The following KMT2C variants were observed in gnomAD, a reference collection of about 807,000 sequenced individuals.
KMT2C encodes histone-lysine N-methyltransferase 2C.
A neutral mutation model predicts 507.9 loss-of-function variants in KMT2C; 88 were observed. The observed-to-expected ratio is 0.17, with a 90% confidence interval of 0.15 to 0.21. The LOEUF (loss-of-function observed/expected upper bound fraction) is 0.21, where lower values mean the gene tolerates loss of function less well. Among genes scored for constraint, KMT2C ranks in the 10% least tolerant of loss-of-function variants. The pLI is 1.00. For synonymous variants in KMT2C, 2,049 were observed against 2,080.8 expected (o/e 0.98, Z 0.42); for missense variants, 4,954 against 5,957.8 (o/e 0.83, Z 5.55).
intron 1 of KMT2C, among the ~76,000 whole-genome samples, chr7:152,413,070 A>C (rs2097698822): frequency 6.6e-6 from 1 of 152,130 alleles, no homozygotes; most frequent in African/African-American, 2.4e-5. Flanking sequence ...TACACTTCTG[A>C]GAAAAAAAAC....
At chr7:152,274,393 T>C (rs1345815059) in intron 6 of KMT2C, among the ~76,000 whole-genome samples, 4 of 152,182 alleles carry the variant, frequency 2.6e-5, no homozygotes, top group Admixed American at 2.6e-4. Context: ...TACTTCAATG[T>C]AGCAATCAAC....
chr7:152,398,537 G>T (rs1475589501), intron 1 of KMT2C, among the ~76,000 whole-genome samples: 2 of 152,088 alleles, frequency 1.3e-5, no homozygotes, highest in Non-Finnish European at 2.9e-5. Flanking sequence ...GGAAAAGAGG[G>T]TCTTTCACAT....
intron 40 of KMT2C, 51 bp downstream of exon 40, chr7:152,171,213 G>A: frequency 7.9e-7 from 1 of 1,259,432 alleles, no homozygotes; most frequent in Non-Finnish European, 1.1e-6. Context: ...TGAGTTTGCT[G>A]GGAAACAGAA....
At chr7:152,201,633 A>AAAAAAAAAAAAAAAAAAAAAAC (rs2094146950) in intron 26 of KMT2C, among the ~76,000 whole-genome samples, 1 of 149,714 alleles carries the variant, frequency 6.7e-6, no homozygotes, top group Non-Finnish European at 1.5e-5. Context: ...AAAAAAAAAA[A>AAAAAAAAAAAAAAAAAAAAAAC]AAAAAAAAAA....
In KMT2C at chr7:152,248,021, T is replaced by G. The variant is rs1273981636; in HGVS notation, c.2413A>C (p.Ser805Arg). ...GGCATGATGTTTCCAGCAGAGGAAC[T>G]AAGAGCTGAAGGGTAATTATGCAGC... ...DMLHNYPSAL[S>R]SSAGNIMPTT... The change falls in exon 14 of 59, where the codon AGT becomes CGT. Residue 805 changes from serine (S) to arginine (R), a missense_variant. Transcript: ENST00000262189. 1 of 1,614,184 alleles carries G rather than the reference T, an allele frequency of 6.2e-7. No individual in the cohort carries two copies. Among genetic ancestry groups the G allele is most frequent in the Non-Finnish European group, 8.5e-7 (1 of 1,180,016 alleles).
intron 23 of KMT2C, among the ~76,000 whole-genome samples, chr7:152,213,541 A>G (rs377560755): frequency 6.6e-5 from 10 of 152,182 alleles, no homozygotes; most frequent in Non-Finnish European, 1.2e-4. Context: ...CCTGATGCCT[A>G]TCTTACACAT....
rs895785295 is a variant in KMT2C, at chr7:152,307,607, A to G, written c.849+2359T>C. Among the ~76,000 whole-genome samples the G allele has an allele frequency of 3.2e-4, 49 of 152,320 alleles. 1 individual carries two copies. Among genetic ancestry groups the G allele is most frequent in the East Asian group, 1.2e-3 (6 of 5,180 alleles). ...GCCCACCAAATTCTAATGCCTAAACAAAGTCGGAAGGGATGCAATGTCTCC... is the reference window on the plus strand; with the variant it reads ...GCCCACCAAATTCTAATGCCTAAACGAAGTCGGAAGGGATGCAATGTCTCC... On this transcript the variant is annotated intron_variant, in intron 6 of 58. Transcript: ENST00000262189.
intron 1 of KMT2C, among the ~76,000 whole-genome samples, chr7:152,414,298 G>C (rs1211949871): frequency 1.3e-5 from 2 of 150,480 alleles, no homozygotes; most frequent in Non-Finnish European, 3.0e-5. Context: ...GGAGGCCAAG[G>C]GGGTGCGGAT....
rs765198152 is a variant in KMT2C at position 152,207,349 on chromosome 7, C to T, written c.3792G>A (p.Val1264=). ...TCTTTTTGACACCATCTGTTCCTTC[C>T]ACTCCCTTAGTTTCATCATCCACAG... ...REAVDDETKG[V]EGTDGVKKRK... is the part of the protein sequence containing the mutation. Residue 1264 remains valine, a synonymous_variant, in exon 24 of 59, where the codon GTG becomes GTA. Coordinates refer to ENST00000262189, the MANE Select transcript of KMT2C (RefSeq NM_170606.3). The T allele has an allele frequency of 2.4e-5, 39 of 1,610,918 alleles. No individual in the cohort carries two copies. The highest frequency in any genetic ancestry group is 9.4e-5 in the African/African-American group (7 of 74,648).
intron 1 of KMT2C, among the ~76,000 whole-genome samples, chr7:152,365,465 C>A (rs1341493488): frequency 6.6e-6 from 1 of 152,194 alleles, no homozygotes; most frequent in Non-Finnish European, 1.5e-5. Context: ...GAAATCGCAC[C>A]GCTGCACTCC....
intron 23 of KMT2C, among the ~76,000 whole-genome samples, chr7:152,213,969 G>C (rs562831058): frequency 6.6e-6 from 1 of 152,150 alleles, no homozygotes; most frequent in East Asian, 1.9e-4. Flanking sequence ...TATATGAAAA[G>C]ATGCTCAACA....
chr7:152,157,077 G>A (rs910613983), intron 44 of KMT2C, among the ~76,000 whole-genome samples: 2 of 151,952 alleles, frequency 1.3e-5, no homozygotes, highest in African/African-American at 4.8e-5. Flanking sequence ...CAGCTTATGA[G>A]TTAAGATAGT....
chr7:152,332,824 G>A (rs117900731), intron 2 of KMT2C, among the ~76,000 whole-genome samples: 141 of 147,526 alleles, frequency 9.6e-4, no homozygotes, highest in Non-Finnish European at 1.7e-3. Context: ...CTCCAGCCTG[G>A]GCAACAGGAA....
At position 152,348,426 on chromosome 7, in the gene KMT2C, G is replaced by A. The variant is rs200040680; in HGVS notation, c.250+10161C>T. On this transcript the variant is annotated intron_variant, in intron 2 of 58. Coordinates refer to ENST00000262189, the MANE Select transcript of KMT2C (RefSeq NM_170606.3). The stretch of plus-strand genomic sequence containing the variant: ...AGTCTGACCAACATGGTGAAACCCC[G>A]TATCTTCTAAAAATACAAAAAAAGT... Among the ~76,000 whole-genome samples, 16 of 151,110 alleles carry A rather than the reference G, an allele frequency of 1.1e-4. No individual in the cohort carries two copies. The East Asian group carries it at 1.8e-3, about 17-fold the overall frequency.
At position 152,222,083 on chromosome 7, in the gene KMT2C, A is replaced by T. The variant is rs1380039636; in HGVS notation, c.3434-17T>A. On this transcript the variant is annotated splice_polypyrimidine_tract_variant and intron_variant, in intron 21 of 58. Coordinates refer to ENST00000262189, the MANE Select transcript of KMT2C (RefSeq NM_170606.3). ...AGGAAGGCACTGAAACGAAAAAAAA[A>T]AATCCAGGTAATTCTTTTCAGAAAA... The T allele has an allele frequency of 9.6e-6, 15 of 1,564,946 alleles. No individual in the cohort carries two copies. Among genetic ancestry groups the T allele is most frequent in the Non-Finnish European group, 1.3e-5 (15 of 1,156,018 alleles).
At chr7:152,264,369 G>T (rs1588701941) in intron 8 of KMT2C, among the ~76,000 whole-genome samples, 1 of 152,082 alleles carries the variant, frequency 6.6e-6, no homozygotes, top group Admixed American at 6.6e-5. Context: ...TAGAATCATG[G>T]GGGTGCAAGC....
chr7:152,292,545 C>T (rs1283575424), intron 6 of KMT2C, among the ~76,000 whole-genome samples: 1 of 152,142 alleles, frequency 6.6e-6, no homozygotes, highest in East Asian at 1.9e-4. Context: ...TTATGATTTC[C>T]TGTGTCATAA....
At position 152,136,660 on chromosome 7, in the gene KMT2C, T is replaced by C; in HGVS notation, c.*172A>G. 8.4e-6 allele frequency: 5 copies of C among 596,444 alleles called. No individual in the cohort carries two copies. In the South Asian group the frequency reaches 1.0e-4, roughly 12 times the overall value. The allele number at this position is 596,444 out of a possible 1,614,324, so 36.9% of individuals were successfully genotyped here. A position where few individuals can be genotyped will look rare whatever the true frequency, so the allele number is the denominator to read the frequency against. On this transcript the variant is annotated 3_prime_UTR_variant, in exon 59 of 59. Coordinates refer to ENST00000262189, the MANE Select transcript of KMT2C (RefSeq NM_170606.3). ...AGGAACGCTGCTTCTGTCAGCTTCC[T>C]CCTGGCGCTGCTTTAACCTAAAGGA...
chr7:152,361,951 GAGCA>G (rs2097200976), intron 1 of KMT2C, among the ~76,000 whole-genome samples: 1 of 152,078 alleles, frequency 6.6e-6, no homozygotes, highest in Admixed American at 6.6e-5. Context: ...ACAACACATT[GAGCA>G]AGCATTACTA....
Sources: allele counts gnomAD v4.1 joint callset (sites outside exome capture counted in the v4.1 genomes callset), GRCh38; gene constraint gnomAD v4.1.1; transcripts MANE v1.5; gene names NCBI Gene and HGNC (gene_info 2026-07-23, HGNC 2026-07-21).